Variants in ZNF44 observed in about 807,000 individuals in gnomAD.
ZNF44 encodes the protein zinc finger protein 44.
ZNF44 carries 9 observed loss-of-function variants against 11.7 expected under a neutral mutation model. The observed-to-expected ratio is 0.77, with a 90% confidence interval of 0.46 to 1.35. The LOEUF (loss-of-function observed/expected upper bound fraction) is 1.35, where lower values mean the gene tolerates loss of function less well. Ranked by LOEUF, ZNF44 falls within the 40% of genes most tolerant of loss-of-function variation. The pLI, the probability that ZNF44 is intolerant of heterozygous loss-of-function variation, is 0.00. For synonymous variants in ZNF44, 224 were observed against 242.7 expected (o/e 0.92, Z 0.72); for missense variants, 696 against 743.1 (o/e 0.94, Z 0.74).
In ZNF44 at chr19:12,272,690, T is replaced by C. The variant is rs1249125495; in HGVS notation, c.1565A>G (p.His522Arg). 1.9e-6 allele frequency: 3 copies of C among 1,613,668 alleles called. No individual in the cohort carries two copies. The highest frequency in any genetic ancestry group is 2.5e-6 in the Non-Finnish European group (3 of 1,179,622). Reference sequence around the variant, plus strand: ...CTTCTCTGCCGTGTGAGTCCTTTCATGAGTTTTTAAGTAACTGAAACGACT... The same window carrying C: ...CTTCTCTGCCGTGTGAGTCCTTTCACGAGTTTTTAAGTAACTGAAACGACT... ...AFSRFSYLKT[H>R]ERTHTAEKPY... The change falls in exon 4 of 4, where the codon CAT becomes CGT. Residue 522 changes from histidine (H) to arginine (R), a missense_variant. His to Arg is a conservative substitution (Grantham distance 29). Transcript: ENST00000355684.
upstream of ZNF44, among the ~76,000 whole-genome samples, chr19:12,238,624 C>CAA (rs760047200): frequency 0.012 from 725 of 62,208 alleles, 14 homozygotes; most frequent in African/African-American, 0.028. Context: ...GAGACTGTCT[C>CAA]AAAAAAAAAA....
At chr19:12,234,553 G>A (rs1343489480) in intron 2 of ZNF44, 1 of 152,216 alleles carries the variant, frequency 6.6e-6, no homozygotes, top group Non-Finnish European at 1.5e-5. Context: ...CTGCAGCCAT[G>A]CTTGATCAAT....
chr19:12,254,607 C>A (rs1917163719), intron 5 of ZNF44, among the ~76,000 whole-genome samples: 1 of 152,028 alleles, frequency 6.6e-6, no homozygotes, highest in African/African-American at 2.4e-5. Flanking sequence ...TGGTGGCATG[C>A]ACCTGTAATC....
At chr19:12,240,249 G>T (rs982663924), upstream of ZNF44, among the ~76,000 whole-genome samples, 1 of 151,806 alleles carries the variant, frequency 6.6e-6, no homozygotes, top group Non-Finnish European at 1.5e-5. Flanking sequence ...TTCAAGACCA[G>T]CATGGCCAAC....
intron 2 of ZNF44, among the ~76,000 whole-genome samples, chr19:12,232,764 A>G (rs573096189): frequency 1.5e-4 from 23 of 152,244 alleles, no homozygotes; most frequent in African/African-American, 5.3e-4. Flanking sequence ...CACAGCAACA[A>G]TCTGATCTCT....
At chr19:12,241,741 T>C (rs1266275897), upstream of ZNF44, among the ~76,000 whole-genome samples, 1 of 152,072 alleles carries the variant, frequency 6.6e-6, no homozygotes, top group Non-Finnish European at 1.5e-5. Flanking sequence ...TACGCACTGA[T>C]TTTAGAGCAG....
chr19:12,265,119 G>A (rs953574414), intron 5 of ZNF44, among the ~76,000 whole-genome samples: 2 of 152,194 alleles, frequency 1.3e-5, no homozygotes, highest in East Asian at 3.9e-4. Context: ...GAAGAAAAAG[G>A]GGTTAAAATA....
At chr19:12,286,284 G>C (rs1442194457) in intron 1 of ZNF44, among the ~76,000 whole-genome samples, 1 of 152,052 alleles carries the variant, frequency 6.6e-6, no homozygotes, top group East Asian at 1.9e-4. Flanking sequence ...ATTTTAACAG[G>C]TTGCTCTGAT....
chr19:12,272,852 G>T lies in ZNF44; in HGVS notation c.1403C>A (p.Thr468Lys). The T allele has an allele frequency of 6.2e-7, 1 of 1,613,862 alleles. No homozygotes were observed. Among genetic ancestry groups the T allele is most frequent in the Non-Finnish European group, 8.5e-7 (1 of 1,179,916 alleles). ...ATAAGGCTCCTCTTCACTGTGTGTTGTTTCATGACTTTGAAAGGAAAATAA... is the reference window on the plus strand; with the variant it reads ...ATAAGGCTCCTCTTCACTGTGTGTTTTTTCATGACTTTGAAAGGAAAATAA... The part of the protein sequence containing the change: ...SDLFSFQSHE[T>K]THSEEEPYEC... Residue 468 changes from threonine (T) to lysine (K), a missense_variant, in exon 4 of 4, where the codon ACA becomes AAA. By Grantham distance (78) the Thr-to-Lys change is moderately conservative (BLOSUM62 -1). Coordinates refer to ENST00000355684, the MANE Select transcript of ZNF44 (RefSeq NM_016264.4).
rs1020206043 is a variant in ZNF44, at chr19:12,284,308, G to T, written c.4-8226C>A. On this transcript the variant is annotated intron_variant, in intron 1 of 3. Transcript: ENST00000355684. ...ATAACTAAAAGATAAATATTAAAAG[G>T]TATAGCTTCTTCTCCAAGAAAACAC... 2.5e-5 allele frequency: 12 copies of T among 479,574 alleles called. No individual in the cohort carries two copies. The Admixed American group carries it at 3.7e-4, about 15-fold the overall frequency. 29.7% of individuals were successfully genotyped at this position (479,574 alleles called of 1,614,324 possible).
chr19:12,249,124 C>T (rs965386767), intron 7 of ZNF44, among the ~76,000 whole-genome samples: 2 of 151,918 alleles, frequency 1.3e-5, no homozygotes, highest in Non-Finnish European at 2.9e-5. Context: ...CCTGACCTCA[C>T]AATCCACCCA....
intron 3 of ZNF44, among the ~76,000 whole-genome samples, 171 bp downstream of exon 3, chr19:12,274,802 T>G (rs1599530050): frequency 6.6e-6 from 1 of 152,128 alleles, no homozygotes; most frequent in South Asian, 2.1e-4. Flanking sequence ...CTATGTCACA[T>G]TTAATAATAT....
intron 1 of ZNF44, among the ~76,000 whole-genome samples, chr19:12,278,963 C>A (rs1168212653): frequency 6.6e-6 from 1 of 152,200 alleles, no homozygotes; most frequent in Admixed American, 6.5e-5. Flanking sequence ...GTAGTAAATA[C>A]TGTGGCTAAG....
chr19:12,262,759 A>G (rs915741097), intron 5 of ZNF44, among the ~76,000 whole-genome samples: 3 of 152,296 alleles, frequency 2.0e-5, no homozygotes, highest in South Asian at 4.1e-4. Flanking sequence ...GCCTTACATC[A>G]TATTTATCAA....
intron 5 of ZNF44, among the ~76,000 whole-genome samples, chr19:12,261,382 C>T (rs898273045): frequency 5.3e-5 from 8 of 152,220 alleles, no homozygotes; most frequent in African/African-American, 1.9e-4. Flanking sequence ...CGCTTGCAAT[C>T]CCAATGCTTT....
downstream of ZNF44, among the ~76,000 whole-genome samples, chr19:12,268,149 C>CACACACACACACAG (rs761602478): frequency 1.3e-4 from 11 of 85,946 alleles, no homozygotes; most frequent in African/African-American, 3.6e-4. Flanking sequence ...CACACAGACA[C>CACACACACACACAG]ACACACACAC....
chr19:12,249,177 G>A (rs564669572), intron 7 of ZNF44, among the ~76,000 whole-genome samples: 189 of 150,956 alleles, frequency 1.3e-3, no homozygotes, highest in African/African-American at 4.2e-3. Context: ...GGGAGCCACC[G>A]CGCCTGGACC....
chr19:12,269,551 T>TG (rs1235977620), downstream of ZNF44, among the ~76,000 whole-genome samples: 1 of 146,438 alleles, frequency 6.8e-6, no homozygotes, highest in Non-Finnish European at 1.5e-5. Flanking sequence ...AAATAAGAGA[T>TG]GGAGTCTCAC....
chr19:12,273,910 A>C lies in ZNF44; in HGVS notation c.345T>G (p.His115Gln), dbSNP rs1967096648. The C allele has an allele frequency of 1.2e-6, 2 of 1,614,022 alleles. No homozygotes were observed. The highest frequency in any genetic ancestry group is 1.7e-6 in the Non-Finnish European group (2 of 1,180,032). ...CTCTGATGTAGCAATTCAGGGATGAATGACCCATTATGACTTCTCCATTCA... is the reference window on the plus strand; with the variant it reads ...CTCTGATGTAGCAATTCAGGGATGACTGACCCATTATGACTTCTCCATTCA... ...SSVNGEVIMG[H>Q]SSLNCYIRVD... Residue 115 changes from histidine to glutamine, a missense_variant, in exon 4 of 4, where the codon CAT becomes CAG. His to Gln is a conservative substitution (Grantham distance 24). Coordinates refer to ENST00000355684, the MANE Select transcript of ZNF44 (RefSeq NM_016264.4).
Sources: allele counts gnomAD v4.1 joint callset (sites outside exome capture counted in the v4.1 genomes callset), GRCh38; gene constraint gnomAD v4.1.1; transcripts MANE v1.5; gene names NCBI Gene and HGNC (gene_info 2026-07-23, HGNC 2026-07-21).